Variants in CADPS observed in about 807,000 individuals in gnomAD.
The protein encoded by CADPS is calcium-dependent secretion activator 1.
In CADPS, 57 loss-of-function variants were observed where a neutral mutation model predicts 167.3. That is an observed-to-expected ratio of 0.34 (90% CI 0.28 to 0.42). The LOEUF (loss-of-function observed/expected upper bound fraction) is 0.42, where lower values mean the gene tolerates loss of function less well. Among genes scored for constraint, CADPS ranks in the 20% least tolerant of loss-of-function variants. CADPS has a pLI of 1.00. For missense variants in CADPS, 1,414 were observed against 1,738.1 expected (o/e 0.81, Z 3.32); for synonymous variants, 676 against 635.3 (o/e 1.06, Z -0.96).
At chr3:62,560,234 T>C (rs72891947) in intron 9 of CADPS, among the ~76,000 whole-genome samples, 6,491 of 152,282 alleles carry the variant, frequency 0.043, 151 homozygotes, top group Non-Finnish European at 0.046. Context: ...GAATCTCACT[T>C]TTTATAGACT....
intron 4 of CADPS, 135 bp downstream of exon 4, chr3:62,662,179 C>T (rs1352722297): frequency 1.3e-6 from 1 of 753,330 alleles, no homozygotes; most frequent in Non-Finnish European, 2.3e-6. Context: ...GCTGAGGGCC[C>T]AATGAGGGTG....
At chr3:62,638,315 T>C (rs891621130) in intron 6 of CADPS, among the ~76,000 whole-genome samples, 34 of 152,106 alleles carry the variant, frequency 2.2e-4, no homozygotes, top group African/African-American at 8.0e-4. Flanking sequence ...CCCCTCATTC[T>C]ATCATTACAG....
chr3:62,743,920 C>G (rs111244122), intron 3 of CADPS, among the ~76,000 whole-genome samples: 1 of 152,146 alleles, frequency 6.6e-6, no homozygotes, highest in Non-Finnish European at 1.5e-5. Context: ...ATATCTACCA[C>G]CTTCCTAGAG....
intron 6 of CADPS, among the ~76,000 whole-genome samples, chr3:62,638,637 G>T (rs2066810041): frequency 6.6e-6 from 1 of 152,080 alleles, no homozygotes; most frequent in Non-Finnish European, 1.5e-5. Context: ...AACTTTTATA[G>T]ATTTTTCACG....
chr3:62,840,517 C>G (rs559132643), intron 1 of CADPS, among the ~76,000 whole-genome samples: 75 of 152,096 alleles, frequency 4.9e-4, no homozygotes, highest in African/African-American at 1.8e-3. Context: ...TTTGAGGACT[C>G]TTTTCCAGAA....
intron 6 of CADPS, among the ~76,000 whole-genome samples, chr3:62,641,310 G>A (rs1322524977): frequency 1.3e-5 from 2 of 152,168 alleles, no homozygotes; most frequent in African/African-American, 4.8e-5. Flanking sequence ...TCCTTGACCT[G>A]ATCAGAAGAA....
chr3:62,440,655 C>T (rs1274791806), intron 27 of CADPS: 3 of 152,240 alleles, frequency 2.0e-5, no homozygotes, highest in African/African-American at 7.2e-5. Flanking sequence ...TAATGGAGTC[C>T]TCAAGCTCCC....
chr3:62,482,100 T>C (rs1267294491), intron 21 of CADPS, among the ~76,000 whole-genome samples: 3 of 152,156 alleles, frequency 2.0e-5, no homozygotes, highest in Non-Finnish European at 4.4e-5. Flanking sequence ...GACTTAAAAG[T>C]GCACCCATAC....
chr3:62,447,917 T>C (rs1205155556), intron 26 of CADPS, among the ~76,000 whole-genome samples: 1 of 152,136 alleles, frequency 6.6e-6, no homozygotes, highest in Non-Finnish European at 1.5e-5. Flanking sequence ...TACTATTATC[T>C]AACATTTCTG....
intron 4 of CADPS, among the ~76,000 whole-genome samples, chr3:62,652,174 T>C (rs989482523): frequency 1.3e-5 from 2 of 152,020 alleles, no homozygotes; most frequent in Admixed American, 6.6e-5. Flanking sequence ...TATTTCCTCT[T>C]GTAATATGCA....
chr3:62,688,520 A>G (rs1005067448), intron 3 of CADPS, among the ~76,000 whole-genome samples: 15 of 152,164 alleles, frequency 9.9e-5, no homozygotes, highest in African/African-American at 3.6e-4. Context: ...AGGAAGGTGG[A>G]GGAAGACTCA....
Position 62,536,484 on chromosome 3 carries a change from A to G in CADPS, c.2064T>C (p.Leu688=). The change falls in exon 12 of 30, where the codon CTT becomes CTC. Residue 688 remains leucine (L), a synonymous_variant. Coordinates refer to ENST00000383710, the MANE Select transcript of CADPS (RefSeq NM_003716.4). ...AATCATTAAGTCTGTGATCCAAAGTAAGGCGTTGTACCATCTCAAAGAGGG... is the reference window on the plus strand; with the variant it reads ...AATCATTAAGTCTGTGATCCAAAGTGAGGCGTTGTACCATCTCAAAGAGGG... ...HASLFEMVQR[L]TLDHRLNDSY... 1 of 1,613,384 alleles carries G rather than the reference A, an allele frequency of 6.2e-7. No individual in the cohort carries two copies.
chr3:62,851,781 T>C (rs1166464883), intron 1 of CADPS, among the ~76,000 whole-genome samples: 3 of 150,258 alleles, frequency 2.0e-5, no homozygotes, highest in African/African-American at 7.4e-5. Context: ...AGGAGTATCT[T>C]TGTGGCATTC....
intron 1 of CADPS, among the ~76,000 whole-genome samples, chr3:62,854,456 T>C (rs890156604): frequency 6.6e-6 from 1 of 152,146 alleles, no homozygotes; most frequent in African/African-American, 2.4e-5. Flanking sequence ...ACACTCCTAT[T>C]AAAGACAAAA....
intron 2 of CADPS, among the ~76,000 whole-genome samples, chr3:62,756,188 G>A (rs1345215075): frequency 6.6e-6 from 1 of 152,020 alleles, no homozygotes; most frequent in Admixed American, 6.5e-5. Context: ...AAGTAGATGG[G>A]ATTACAGGCA....
chr3:62,547,595 C>CCCCT (rs1553906247), intron 11 of CADPS, among the ~76,000 whole-genome samples: 2 of 112,582 alleles, frequency 1.8e-5, no homozygotes, highest in African/African-American at 7.5e-5. Flanking sequence ...CGCCCCCCCC[C>CCCCT]CCCCGCAAAT....
In CADPS at chr3:62,565,739, T is replaced by C. The variant is rs78186134; in HGVS notation, c.1644+5133A>G. 4.8e-3 allele frequency among the ~76,000 whole-genome samples: 724 copies of C among 152,258 alleles called. 2 individuals carry two copies. Among genetic ancestry groups the C allele is most frequent in the African/African-American group, 0.016 (657 of 41,542 alleles). ...CTATAGTAATTTTAGCTCTGATCCTTAAGAAATGGGAATTGCTACTTTGGT... is the reference window on the plus strand; with the variant it reads ...CTATAGTAATTTTAGCTCTGATCCTCAAGAAATGGGAATTGCTACTTTGGT... On this transcript the variant is annotated intron_variant, in intron 9 of 29. Coordinates refer to ENST00000383710, the MANE Select transcript of CADPS (RefSeq NM_003716.4).
At chr3:62,810,643 AG>A (rs1403561295) in intron 1 of CADPS, among the ~76,000 whole-genome samples, 5 of 152,242 alleles carry the variant, frequency 3.3e-5, no homozygotes, top group African/African-American at 1.2e-4. Context: ...ACAGTTCTGT[AG>A]CAGAATTAAT....
At chr3:62,705,189 G>C (rs2151646976) in intron 3 of CADPS, among the ~76,000 whole-genome samples, 1 of 152,234 alleles carries the variant, frequency 6.6e-6, no homozygotes, top group South Asian at 2.1e-4. Context: ...TTTGTGTCCT[G>C]TGCTCTAATT....
Sources: gnomAD v4.1 joint callset for allele counts (sites outside exome capture counted in the v4.1 genomes callset) on GRCh38, gnomAD v4.1.1 for gene constraint, MANE v1.5 for transcripts, NCBI Gene and HGNC (gene_info 2026-07-23, HGNC 2026-07-21) for gene names.